The following POMP variants were observed in gnomAD, a reference collection of about 807,000 sequenced individuals.
POMP encodes 2510048O06Rik.
Under a neutral mutation model 20.6 loss-of-function variants are expected in POMP, and 12 were observed. The ratio of observed to expected loss-of-function variants is 0.58; its 90% CI spans 0.37 to 0.94. The LOEUF (loss-of-function observed/expected upper bound fraction) is 0.94. Ranked by LOEUF, POMP falls within the 40% of genes least tolerant of loss-of-function variation. The probability of loss-of-function intolerance (pLI) is 0.01; values close to 1 mark genes in which losing one functional copy is unlikely to be tolerated. For synonymous variants in POMP, 53 were observed against 55.0 expected (o/e 0.96, Z 0.16); for missense variants, 136 against 161.1 (o/e 0.84, Z 0.84).
chr13:28,659,258 G>T, intron 1 of POMP, 71 bp downstream of exon 1: 1 of 1,552,712 alleles, frequency 6.4e-7, no homozygotes, highest in South Asian at 1.2e-5. Flanking sequence ...ACAGGCAGTC[G>T]CCTCCCAACC....
intron 2 of POMP, 54 bp from the exon 3 acceptor site, chr13:28,664,455 G>GTA (rs1448433209): frequency 8.3e-7 from 1 of 1,204,860 alleles, no homozygotes; most frequent in African/African-American, 1.5e-5. Context: ...TGAGCTCTGG[G>GTA]TATTGAGTGA....
chr13:28,668,015 TTAAC>T (rs1309296382), intron 3 of POMP, among the ~76,000 whole-genome samples: 1 of 152,208 alleles, frequency 6.6e-6, no homozygotes, highest in Non-Finnish European at 1.5e-5. Context: ...CATAGTTTAA[TTAAC>T]AGGATGATTT....
intron 1 of POMP, among the ~76,000 whole-genome samples, chr13:28,660,187 A>G (rs143970718): frequency 6.6e-6 from 1 of 152,374 alleles, no homozygotes; most frequent in East Asian, 1.9e-4. Context: ...GGGAAGTAAT[A>G]GAAGATACAT....
chr13:28,666,956 G>A (rs1792093), intron 3 of POMP, among the ~76,000 whole-genome samples: 6,756 of 152,230 alleles, frequency 0.044, 505 homozygotes, highest in African/African-American at 0.15. Context: ...CAGGGATGCT[G>A]CCAAACATCC....
rs1884676741 is a variant in POMP at position 28,678,896 on chromosome 13, A to T, written c.*794A>T. ...GAATGGATCATCTTTTACAATTAAAAGTATATTTTGATTATCAGTTTCTTA... is the reference window on the plus strand; with the variant it reads ...GAATGGATCATCTTTTACAATTAAATGTATATTTTGATTATCAGTTTCTTA... On this transcript the variant is annotated 3_prime_UTR_variant, in exon 6 of 6. Transcript: ENST00000380842. 6.6e-6 allele frequency: 1 copy of T among 152,222 alleles called. No homozygotes were observed. The highest frequency in any genetic ancestry group is 2.4e-5 in the African/African-American group (1 of 41,474). 9.4% of individuals were successfully genotyped at this position (152,222 alleles called of 1,614,324 possible). A position where few individuals can be genotyped will look rare whatever the true frequency, so the allele number is the denominator to read the frequency against.
At chr13:28,668,372 A>T in intron 3 of POMP, 101 bp from the exon 4 acceptor site, 1 of 840,900 alleles carries the variant, frequency 1.2e-6, no homozygotes. Context: ...TATGGATATT[A>T]AAATTCTTCA....
rs1010489328 is a variant in POMP, at chr13:28,664,438, A to G, written c.102-71A>G. ...TCTCTCATGCCATCCCTTTATAGATATGATTTTGAGCTCTGGGTATTGAGT... is the reference window on the plus strand; with the variant it reads ...TCTCTCATGCCATCCCTTTATAGATGTGATTTTGAGCTCTGGGTATTGAGT... On this transcript the variant is annotated intron_variant, in intron 2 of 5. Coordinates refer to ENST00000380842, the MANE Select transcript of POMP (RefSeq NM_015932.6). 8.9e-6 allele frequency: 9 copies of G among 1,015,696 alleles called. No individual in the cohort carries two copies. The Admixed American group carries it at 1.0e-4, about 12-fold the overall frequency. The allele number at this position is 1,015,696 out of a possible 1,614,324, so 62.9% of individuals were successfully genotyped here.
At chr13:28,661,988 T>C (rs1024045214) in intron 1 of POMP, among the ~76,000 whole-genome samples, 8 of 152,238 alleles carry the variant, frequency 5.3e-5, no homozygotes, top group Non-Finnish European at 1.5e-5. Flanking sequence ...TCAGAGGCTT[T>C]CAGTTTTGGA....
At chr13:28,664,833 T>C (rs1566107425) in intron 3 of POMP, among the ~76,000 whole-genome samples, 1 of 152,166 alleles carries the variant, frequency 6.6e-6, no homozygotes, top group Non-Finnish European at 1.5e-5. Context: ...GAATTTTCTC[T>C]TTCAATAATG....
intron 2 of POMP, among the ~76,000 whole-genome samples, chr13:28,663,097 C>G (rs1378045337): frequency 1.3e-5 from 2 of 151,684 alleles, no homozygotes; most frequent in African/African-American, 2.4e-5. Context: ...CATTTTTTTT[C>G]TTTTCTAGCT....
intron 1 of POMP, 39 bp from the exon 2 acceptor site, chr13:28,662,369 ATT>A (rs747552382): frequency 7.7e-5 from 115 of 1,494,208 alleles, no homozygotes; most frequent in Non-Finnish European, 1.0e-4. Context: ...GTGTGTTTAA[ATT>A]TTTTTTCTAT....
intron 3 of POMP, among the ~76,000 whole-genome samples, chr13:28,666,457 G>C (rs1792094): frequency 0.044 from 6,774 of 152,308 alleles, 508 homozygotes; most frequent in African/African-American, 0.15. Context: ...GTGAGACTAG[G>C]TGGAACTGTG....
At chr13:28,665,439 C>T (rs9506033) in intron 3 of POMP, among the ~76,000 whole-genome samples, 1,578 of 152,180 alleles carry the variant, frequency 0.01, 16 homozygotes, top group Admixed American at 0.018. Context: ...AATTCCTCAT[C>T]GATTTAAGTG....
intron 1 of POMP, 118 bp from the exon 2 acceptor site, chr13:28,662,292 A>C (rs1006470236): frequency 7.2e-6 from 5 of 690,862 alleles, no homozygotes; most frequent in Admixed American, 2.5e-5. Context: ...TCTAGTCTGG[A>C]CTTTTTGAGG....
intron 3 of POMP, among the ~76,000 whole-genome samples, chr13:28,666,129 A>C (rs1299542608): frequency 2.0e-5 from 3 of 152,214 alleles, no homozygotes; most frequent in African/African-American, 7.2e-5. Context: ...TCTAGACCAA[A>C]ATTTAAGGAA....
intron 3 of POMP, among the ~76,000 whole-genome samples, chr13:28,666,190 A>T (rs559473972): frequency 6.6e-6 from 1 of 152,308 alleles, no homozygotes; most frequent in South Asian, 2.1e-4. Flanking sequence ...CAAAAAATGA[A>T]TTCTACACCT....
intron 4 of POMP, among the ~76,000 whole-genome samples, chr13:28,670,875 C>T (rs879621147): frequency 2.1e-4 from 31 of 150,814 alleles, no homozygotes; most frequent in Non-Finnish European, 7.4e-5. Context: ...GGTGAAACCC[C>T]GTCTCTACTA....
intron 3 of POMP, among the ~76,000 whole-genome samples, 165 bp downstream of exon 3, chr13:28,664,734 C>G (rs1314127218): frequency 6.6e-6 from 1 of 152,118 alleles, no homozygotes; most frequent in East Asian, 1.9e-4. Flanking sequence ...AATTACACTG[C>G]TCCTCTAAAG....
intron 4 of POMP, among the ~76,000 whole-genome samples, chr13:28,671,054 AAAT>A (rs1388546214): frequency 2.6e-5 from 4 of 152,150 alleles, no homozygotes; most frequent in African/African-American, 9.7e-5. Flanking sequence ...TCTCCAAAAA[AAAT>A]AATAATAAGA....
Sources: gnomAD v4.1 joint callset for allele counts (sites outside exome capture counted in the v4.1 genomes callset) on GRCh38, gnomAD v4.1.1 for gene constraint, MANE v1.5 for transcripts, NCBI Gene and HGNC (gene_info 2026-07-23, HGNC 2026-07-21) for gene names.